PHLDB2: variants seen among roughly 807,000 people sequenced by gnomAD.
PHLDB2 encodes the protein pleckstrin homology-like domain family B member 2.
PHLDB2 carries 71 observed loss-of-function variants against 123.6 expected under a neutral mutation model. The ratio of observed to expected loss-of-function variants is 0.57; its 90% CI spans 0.47 to 0.70. The LOEUF (loss-of-function observed/expected upper bound fraction) is 0.70. Among genes scored for constraint, PHLDB2 ranks in the 30% least tolerant of loss-of-function variants. PHLDB2 has a pLI of 0.00. For missense variants in PHLDB2, 1,446 were observed against 1,519.5 expected (o/e 0.95, Z 0.80); for synonymous variants, 547 against 541.6 (o/e 1.01, Z -0.14).
intron 1 of PHLDB2, among the ~76,000 whole-genome samples, chr3:111,817,999 G>A (rs879841879): frequency 2.0e-5 from 3 of 151,998 alleles, no homozygotes; most frequent in Non-Finnish European, 4.4e-5. Context: ...TATTTTATTC[G>A]TTTATGCTTT....
At chr3:111,891,719 C>T (rs2066510261) in intron 2 of PHLDB2, among the ~76,000 whole-genome samples, 1 of 152,026 alleles carries the variant, frequency 6.6e-6, no homozygotes, top group Non-Finnish European at 1.5e-5. Flanking sequence ...GACTGCTGTT[C>T]TAGAGGTTAG....
At chr3:111,860,809 G>A (rs2064798953) in intron 1 of PHLDB2, among the ~76,000 whole-genome samples, 1 of 152,164 alleles carries the variant, frequency 6.6e-6, no homozygotes, top group Non-Finnish European at 1.5e-5. Context: ...GCTCTAGAAT[G>A]CACAACTAGT....
intron 1 of PHLDB2, among the ~76,000 whole-genome samples, chr3:111,758,940 G>C (rs1322410033): frequency 6.6e-6 from 1 of 152,034 alleles, no homozygotes; most frequent in East Asian, 1.9e-4. Context: ...TTGCTAATGG[G>C]TCCTATCAAT....
At chr3:111,930,295 T>G (rs1166819988) in intron 5 of PHLDB2, among the ~76,000 whole-genome samples, 3 of 152,168 alleles carry the variant, frequency 2.0e-5, no homozygotes, top group African/African-American at 7.2e-5. Flanking sequence ...ATTTGAGACC[T>G]GTGTTTTAGG....
chr3:111,860,082 C>G (rs1176118133), intron 1 of PHLDB2, among the ~76,000 whole-genome samples: 1 of 151,910 alleles, frequency 6.6e-6, no homozygotes, highest in Admixed American at 6.6e-5. Flanking sequence ...GAAGATGCTT[C>G]CAGAGTGATT....
intron 6 of PHLDB2, among the ~76,000 whole-genome samples, chr3:111,937,630 G>T (rs2069580545): frequency 6.6e-6 from 1 of 151,982 alleles, no homozygotes; most frequent in South Asian, 2.1e-4. Flanking sequence ...ACAAAAATTA[G>T]CCAGGCATGG....
rs1369060343 is a variant in PHLDB2, at chr3:111,805,693, A to C, written c.-48-40128A>C. 2.0e-5 allele frequency among the ~76,000 whole-genome samples: 3 copies of C among 149,906 alleles called. No individual in the cohort carries two copies. In the East Asian group the frequency reaches 6.5e-4, roughly 33 times the overall value. On this transcript the variant is annotated intron_variant, in intron 1 of 17. Transcript: ENST00000393923. ...TTCCATTTTTATGGAATGCTAGTAAAGACAAATCTAATCTATAGTGACAGA... is the reference window on the plus strand; with the variant it reads ...TTCCATTTTTATGGAATGCTAGTAACGACAAATCTAATCTATAGTGACAGA...
At chr3:111,821,621 G>C (rs531465582) in intron 1 of PHLDB2, among the ~76,000 whole-genome samples, 4 of 152,110 alleles carry the variant, frequency 2.6e-5, no homozygotes, top group Admixed American at 6.6e-5. Flanking sequence ...TTATTTAAAG[G>C]TTGCTCATTT....
chr3:111,914,012 C>T, intron 3 of PHLDB2: 1 of 329,850 alleles, frequency 3.0e-6, no homozygotes, highest in East Asian at 6.1e-5. Flanking sequence ...ATTGTCTTAC[C>T]TGCCTTCCTA....
At chr3:111,762,809 G>A (rs1330924252) in intron 1 of PHLDB2, among the ~76,000 whole-genome samples, 1 of 151,940 alleles carries the variant, frequency 6.6e-6, no homozygotes, top group Non-Finnish European at 1.5e-5. Flanking sequence ...ATGACTTCAT[G>A]TGCAAAAAAG....
chr3:111,877,732 T>A (rs2065707055), intron 1 of PHLDB2, among the ~76,000 whole-genome samples: 1 of 152,224 alleles, frequency 6.6e-6, no homozygotes, highest in Non-Finnish European at 1.5e-5. Context: ...CCATCTTGAG[T>A]TAATTTTTGT....
chr3:111,825,905 A>G (rs945131067), intron 1 of PHLDB2, among the ~76,000 whole-genome samples: 1 of 152,180 alleles, frequency 6.6e-6, no homozygotes, highest in Non-Finnish European at 1.5e-5. Context: ...TTCTGTGGTT[A>G]TTTTAAGAAG....
intron 1 of PHLDB2, among the ~76,000 whole-genome samples, chr3:111,865,439 T>C (rs956521235): frequency 1.3e-5 from 2 of 152,212 alleles, no homozygotes; most frequent in South Asian, 2.1e-4. Flanking sequence ...AAACTATTTC[T>C]GTTCTGTGGT....
chr3:111,947,333 C>T (rs562939734), intron 9 of PHLDB2, among the ~76,000 whole-genome samples: 23 of 152,304 alleles, frequency 1.5e-4, no homozygotes, highest in African/African-American at 5.5e-4. Flanking sequence ...TGCAACTCTT[C>T]TGCTTGTTGA....
Position 111,884,779 on chromosome 3 carries a change from C to T in PHLDB2, c.702C>T (p.Ile234=). Residue 234 remains isoleucine, a synonymous_variant, in exon 2 of 18, where the codon ATC becomes ATT. Transcript: ENST00000431670. ...TRHKELASEN[I]NLRTRKYSSS... ...ACAAGGAGCTTGCATCTGAAAACAT[C>T]AATTTGAGAACTAGGAAGTACTCCA... The T allele has an allele frequency of 6.2e-7, 1 of 1,614,084 alleles. No homozygotes were observed.
At chr3:111,864,692 A>G (rs2064983834) in intron 1 of PHLDB2, among the ~76,000 whole-genome samples, 1 of 152,238 alleles carries the variant, frequency 6.6e-6, no homozygotes, top group Admixed American at 6.5e-5. Flanking sequence ...ATAGAGTAAC[A>G]GGGTTAGTCA....
chr3:111,856,540 A>AT (rs927113729), upstream of PHLDB2, among the ~76,000 whole-genome samples: 37 of 152,254 alleles, frequency 2.4e-4, no homozygotes, highest in South Asian at 1.2e-3. Context: ...AAATTTAGCT[A>AT]TTTTTTTCTT....
intron 1 of PHLDB2, among the ~76,000 whole-genome samples, chr3:111,875,029 T>C (rs951404352): frequency 7.5e-4 from 114 of 152,342 alleles, no homozygotes; most frequent in African/African-American, 2.6e-3. Context: ...ATTTTGTAGT[T>C]TTTCAGATGC....
intron 1 of PHLDB2, among the ~76,000 whole-genome samples, chr3:111,740,691 A>G (rs868504551): frequency 2.6e-5 from 3 of 114,040 alleles, no homozygotes; most frequent in Middle Eastern, 8.2e-3. Flanking sequence ...CACAAAACTA[A>G]CAATCACCAA....
Sources: allele counts gnomAD v4.1 joint callset (sites outside exome capture counted in the v4.1 genomes callset), GRCh38; gene constraint gnomAD v4.1.1; transcripts MANE v1.5; gene names NCBI Gene and HGNC (gene_info 2026-07-23, HGNC 2026-07-21).